The following ZNF385B variants were observed in gnomAD, a reference collection of about 807,000 sequenced individuals.
ZNF385B encodes zinc finger protein 533.
A neutral mutation model predicts 39.2 loss-of-function variants in ZNF385B; 23 were observed. That is an observed-to-expected ratio of 0.59 (90% CI 0.42 to 0.83). ZNF385B has a LOEUF of 0.83. Ranked by LOEUF, ZNF385B falls within the 40% of genes least tolerant of loss-of-function variation. The probability of loss-of-function intolerance (pLI) is 0.00; values close to 1 mark genes in which losing one functional copy is unlikely to be tolerated. For synonymous variants in ZNF385B, 205 were observed against 222.6 expected, an observed-to-expected ratio of 0.92 and a Z score of 0.70; for missense variants, 552 against 598.9, an observed-to-expected ratio of 0.92 and a Z score of 0.82.
chr2:179,740,529 C>T (rs556597858), intron 3 of ZNF385B, among the ~76,000 whole-genome samples: 1 of 152,238 alleles, frequency 6.6e-6, no homozygotes, highest in East Asian at 1.9e-4. Flanking sequence ...TTTAACTTAC[C>T]TTTCAGCACC....
At chr2:179,778,707 T>G (rs181669158) in intron 1 of ZNF385B, among the ~76,000 whole-genome samples, 520 of 152,316 alleles carry the variant, frequency 3.4e-3, no homozygotes, top group South Asian at 7.5e-3. Flanking sequence ...CTAGACACAT[T>G]TTTGAAATTA....
intron 6 of ZNF385B, among the ~76,000 whole-genome samples, chr2:179,457,281 C>T (rs148535596): frequency 0.01 from 1,545 of 152,032 alleles, 26 homozygotes; most frequent in African/African-American, 0.033. Flanking sequence ...ATTTTGCTAC[C>T]GATGAAAATT....
intron 5 of ZNF385B, among the ~76,000 whole-genome samples, chr2:179,502,627 C>A (rs954135254): frequency 1.3e-5 from 2 of 152,102 alleles, no homozygotes; most frequent in Non-Finnish European, 2.9e-5. Flanking sequence ...AAGCAGAAGC[C>A]TGTACAGCCT....
chr2:179,651,499 C>T lies in ZNF385B; in HGVS notation c.299-106530G>A, dbSNP rs1017211536. On this transcript the variant is annotated intron_variant, in intron 3 of 9. Coordinates refer to ENST00000410066, the MANE Select transcript of ZNF385B (RefSeq NM_152520.6). ...CTGTCTGGAGACAAAAGAAAACACA[C>T]CACGCATAATATTTTAAAATATAAC... Among the ~76,000 whole-genome samples the T allele has an allele frequency of 2.6e-4, 40 of 152,044 alleles. 1 individual carries two copies. The highest frequency in any genetic ancestry group is 1.5e-5 in the Non-Finnish European group (1 of 67,998).
chr2:179,627,800 G>A (rs1690802747), intron 3 of ZNF385B, among the ~76,000 whole-genome samples: 1 of 136,046 alleles, frequency 7.4e-6, no homozygotes, highest in African/African-American at 2.9e-5. Flanking sequence ...TGTTTCTATT[G>A]ATCAAGTTTT....
intron 3 of ZNF385B, among the ~76,000 whole-genome samples, chr2:179,688,299 C>A (rs1198770148): frequency 6.6e-6 from 1 of 152,060 alleles, no homozygotes; most frequent in Non-Finnish European, 1.5e-5. Context: ...GTTATGGATC[C>A]TTTTCAGAAT....
chr2:179,786,905 T>C (rs1705040193), intron 1 of ZNF385B, among the ~76,000 whole-genome samples: 3 of 152,076 alleles, frequency 2.0e-5, no homozygotes, highest in Admixed American at 1.3e-4. Flanking sequence ...ATGAGAGTGT[T>C]TATTTCTTAC....
chr2:179,483,481 A>T (rs1253745854), intron 5 of ZNF385B, 47 bp from the exon 6 acceptor site: 1 of 1,609,300 alleles, frequency 6.2e-7, no homozygotes, highest in Non-Finnish European at 8.5e-7. Flanking sequence ...AATTACAAAC[A>T]CCACAGTGGA....
chr2:179,697,147 C>A (rs539666220), intron 3 of ZNF385B, among the ~76,000 whole-genome samples: 15 of 152,222 alleles, frequency 9.9e-5, no homozygotes, highest in Admixed American at 9.2e-4. Context: ...AGCATATGTG[C>A]CTTTTTTGTT....
intron 3 of ZNF385B, among the ~76,000 whole-genome samples, chr2:179,625,996 G>A (rs1237954095): frequency 6.6e-6 from 1 of 151,892 alleles, no homozygotes; most frequent in Non-Finnish European, 1.5e-5. Context: ...AGGATGTATA[G>A]ATCACAAAAT....
intron 3 of ZNF385B, among the ~76,000 whole-genome samples, chr2:179,709,384 G>A (rs557519547): frequency 1.3e-5 from 2 of 152,320 alleles, no homozygotes; most frequent in Non-Finnish European, 2.9e-5. Context: ...GGTGGCCACT[G>A]CAATAGGAAG....
chr2:179,483,670 G>A (rs1032712724), intron 5 of ZNF385B, among the ~76,000 whole-genome samples: 10 of 152,136 alleles, frequency 6.6e-5, no homozygotes, highest in African/African-American at 2.4e-4. Flanking sequence ...GACATTATAT[G>A]AGTGGACAAA....
At chr2:179,760,600 T>C (rs1703323398) in intron 3 of ZNF385B, among the ~76,000 whole-genome samples, 2 of 152,268 alleles carry the variant, frequency 1.3e-5, no homozygotes, top group Non-Finnish European at 2.9e-5. Context: ...GTCAAATCCT[T>C]GGAACCCGTG....
intron 1 of ZNF385B, among the ~76,000 whole-genome samples, chr2:179,808,868 C>T (rs1358605932): frequency 6.6e-6 from 1 of 152,184 alleles, no homozygotes; most frequent in Non-Finnish European, 1.5e-5. Flanking sequence ...AAAATAAAGT[C>T]AGTGGCAACA....
intron 3 of ZNF385B, among the ~76,000 whole-genome samples, chr2:179,640,487 A>T (rs1472365042): frequency 6.6e-6 from 1 of 152,174 alleles, no homozygotes; most frequent in East Asian, 1.9e-4. Context: ...TCGAGAGAGT[A>T]AGAGAACAAA....
At chr2:179,764,634 AT>A in intron 3 of ZNF385B, among the ~76,000 whole-genome samples, 1 of 152,304 alleles carries the variant, frequency 6.6e-6, no homozygotes, top group Non-Finnish European at 1.5e-5. Context: ...TGCCATTAAT[AT>A]TATAATGATA....
chr2:179,763,871 G>A (rs1703540714), intron 3 of ZNF385B, among the ~76,000 whole-genome samples: 1 of 152,108 alleles, frequency 6.6e-6, no homozygotes, highest in Non-Finnish European at 1.5e-5. Flanking sequence ...TAAGGTTTGT[G>A]TTATGGTCCA....
intron 1 of ZNF385B, among the ~76,000 whole-genome samples, chr2:179,784,935 C>T (rs1276588217): frequency 6.6e-5 from 10 of 152,030 alleles, no homozygotes; most frequent in Admixed American, 6.6e-4. Flanking sequence ...CTTAGGTATA[C>T]TATATCCAAC....
At chr2:179,721,417 A>C (rs1414008079) in intron 3 of ZNF385B, among the ~76,000 whole-genome samples, 5 of 152,144 alleles carry the variant, frequency 3.3e-5, no homozygotes, top group Non-Finnish European at 7.4e-5. Flanking sequence ...GAATAAATTC[A>C]ATCTCACAAA....
Sources: gnomAD v4.1 joint callset for allele counts (sites outside exome capture counted in the v4.1 genomes callset) on GRCh38, gnomAD v4.1.1 for gene constraint, MANE v1.5 for transcripts, NCBI Gene and HGNC (gene_info 2026-07-23, HGNC 2026-07-21) for gene names.